Variants in NEBL observed in about 807,000 individuals in gnomAD.
The protein encoded by NEBL is nebulette.
A neutral mutation model predicts 140.2 loss-of-function variants in NEBL; 122 were observed. The observed-to-expected ratio is 0.87, with a 90% confidence interval of 0.75 to 1.01. The LOEUF is 1.01. NEBL is among the 50% of genes least tolerant of loss of function. The pLI is 0.00. For missense variants in NEBL, 1,365 were observed against 1,231.3 expected, an observed-to-expected ratio of 1.11 and a Z score of -1.62; for synonymous variants, 436 against 398.9, an observed-to-expected ratio of 1.09 and a Z score of -1.11.
At chr10:21,232,211 C>T (rs1285976508) in intron 3 of NEBL, among the ~76,000 whole-genome samples, 1 of 151,878 alleles carries the variant, frequency 6.6e-6, no homozygotes, top group Non-Finnish European at 1.5e-5. Flanking sequence ...GGTTAGAGAG[C>T]AAAGTAGCCA....
Position 20,850,512 on chromosome 10 carries a change from A to G in NEBL, c.1009-10T>C, listed in dbSNP as rs1842402338. The G allele has an allele frequency of 6.5e-7, 1 of 1,546,512 alleles. No individual in the cohort carries two copies. The highest frequency in any genetic ancestry group is 8.9e-7 in the Non-Finnish European group (1 of 1,119,626). ...CTTCTTTATATTTCACCTTCATTGG[A>G]AAAAGAAAAGCATATACAAATCGAA... On this transcript the variant is annotated splice_polypyrimidine_tract_variant and intron_variant, in intron 10 of 27. Coordinates refer to ENST00000377122, the MANE Select transcript of NEBL (RefSeq NM_006393.3).
intron 3 of NEBL, among the ~76,000 whole-genome samples, chr10:21,012,013 A>C (rs2131742397): frequency 6.6e-6 from 1 of 152,318 alleles, no homozygotes; most frequent in Middle Eastern, 3.4e-3. Flanking sequence ...TCTGCCACTG[A>C]GGTGGGAGGA....
chr10:21,257,901 A>C (rs917371642), intron 1 of NEBL, among the ~76,000 whole-genome samples: 14 of 140,420 alleles, frequency 1.0e-4, no homozygotes, highest in Non-Finnish European at 1.8e-4. Flanking sequence ...ACACACCCCA[A>C]AAAAAAAACA....
At chr10:21,021,756 A>T (rs1168662943) in intron 2 of NEBL, among the ~76,000 whole-genome samples, 5 of 152,140 alleles carry the variant, frequency 3.3e-5, no homozygotes, top group African/African-American at 1.2e-4. Context: ...GCCTCACAGT[A>T]CAACGAAAGT....
intron 3 of NEBL, among the ~76,000 whole-genome samples, chr10:21,206,478 A>AT (rs1337862097): frequency 1.3e-5 from 2 of 152,182 alleles, no homozygotes; most frequent in Non-Finnish European, 2.9e-5. Context: ...TTTAGCCCCC[A>AT]GGGGCTGAGA....
At chr10:21,253,290 G>C (rs1407822130) in intron 1 of NEBL, among the ~76,000 whole-genome samples, 7 of 152,052 alleles carry the variant, frequency 4.6e-5, no homozygotes, top group South Asian at 2.1e-4. Context: ...TAATAATAAG[G>C]CAGAAGCCAG....
At chr10:20,954,141 C>G (rs988653892) in intron 4 of NEBL, among the ~76,000 whole-genome samples, 8 of 151,468 alleles carry the variant, frequency 5.3e-5, no homozygotes, top group African/African-American at 1.9e-4. Context: ...TTGTGCTAGA[C>G]AATGACACAA....
intron 2 of NEBL, among the ~76,000 whole-genome samples, chr10:21,163,066 G>A (rs923696413): frequency 6.6e-6 from 1 of 152,188 alleles, no homozygotes; most frequent in African/African-American, 2.4e-5. Context: ...TTACAGATGA[G>A]GATACTGAGG....
chr10:20,831,027 C>T (rs1564363535), intron 16 of NEBL, 169 bp downstream of exon 16: 4 of 644,880 alleles, frequency 6.2e-6, no homozygotes, highest in Non-Finnish European at 1.1e-5. Flanking sequence ...TGACTGTTGT[C>T]CTATTAATTA....
intron 2 of NEBL, among the ~76,000 whole-genome samples, chr10:20,896,417 A>G (rs993510615): frequency 6.8e-6 from 1 of 147,930 alleles, no homozygotes; most frequent in African/African-American, 2.5e-5. Context: ...CCTTGCACTA[A>G]TATCAGGGTT....
chr10:21,146,262 G>GGCA, intron 2 of NEBL: 1 of 1,123,812 alleles, frequency 8.9e-7, no homozygotes. Flanking sequence ...GCACGTGTCA[G>GGCA]GCAGCATCAT....
chr10:20,953,021 A>G (rs988335905), intron 4 of NEBL, among the ~76,000 whole-genome samples: 2 of 152,188 alleles, frequency 1.3e-5, no homozygotes, highest in Admixed American at 6.5e-5. Flanking sequence ...GGATATTTCA[A>G]AGCACATTCA....
At chr10:21,261,682 G>A (rs1842741054) in intron 1 of NEBL, among the ~76,000 whole-genome samples, 1 of 151,766 alleles carries the variant, frequency 6.6e-6, no homozygotes, top group Non-Finnish European at 1.5e-5. Context: ...AAAGAAAAAA[G>A]TGTCCCAGGA....
At chr10:20,859,872 A>T in intron 7 of NEBL, 46 bp from the exon 8 acceptor site, 2 of 901,946 alleles carry the variant, frequency 2.2e-6, no homozygotes, top group Non-Finnish European at 3.5e-6. Flanking sequence ...ATTTAAAAGT[A>T]ACACATATGA....
intron 26 of NEBL, among the ~76,000 whole-genome samples, chr10:20,807,425 T>A (rs2130752668): frequency 6.6e-6 from 1 of 152,304 alleles, no homozygotes; most frequent in East Asian, 1.9e-4. Context: ...AAACAACCAG[T>A]TTATAATGAT....
At chr10:20,826,665 G>T (rs144705759) in intron 17 of NEBL, 126 bp from the exon 18 acceptor site, 7 of 737,956 alleles carry the variant, frequency 9.5e-6, no homozygotes, top group Non-Finnish European at 1.4e-5. Context: ...TATGAGTGCC[G>T]GAATTATAGG....
intron 2 of NEBL, among the ~76,000 whole-genome samples, chr10:21,127,062 C>T (rs1222732622): frequency 1.3e-5 from 2 of 150,572 alleles, no homozygotes; most frequent in African/African-American, 2.4e-5. Context: ...ATTCAATACA[C>T]TCAAACGCAT....
At chr10:21,120,422 A>ATATATATATT (rs1191813457) in intron 2 of NEBL, among the ~76,000 whole-genome samples, 1,134 of 84,996 alleles carry the variant, frequency 0.013, 15 homozygotes, top group East Asian at 0.034. Context: ...ATATATATAT[A>ATATATATATT]TAAATTTGAT....
At chr10:20,826,335 T>C in intron 18 of NEBL, 112 bp downstream of exon 18, 1 of 844,190 alleles carries the variant, frequency 1.2e-6, no homozygotes, top group East Asian at 2.4e-5. Flanking sequence ...AGCATTTCAA[T>C]AAAGTGAAGA....
Sources: allele counts gnomAD v4.1 joint callset (sites outside exome capture counted in the v4.1 genomes callset), GRCh38; gene constraint gnomAD v4.1.1; transcripts MANE v1.5; gene names NCBI Gene and HGNC (gene_info 2026-07-23, HGNC 2026-07-21).